The following ADCY10 variants were observed in gnomAD, a reference collection of about 807,000 sequenced individuals.
ADCY10 encodes the protein adenylate cyclase 10, also known as adenylate cyclase type 10.
Under a neutral mutation model 183.3 loss-of-function variants are expected in ADCY10, and 156 were observed. That is an observed-to-expected ratio of 0.85 (90% CI 0.75 to 0.97). The LOEUF (loss-of-function observed/expected upper bound fraction) is 0.97. ADCY10 is among the 50% of genes least tolerant of loss of function. ADCY10 has a pLI of 0.00. For missense variants in ADCY10, 1,745 were observed against 1,934.3 expected (o/e 0.90, Z 1.84); for synonymous variants, 645 against 670.0 (o/e 0.96, Z 0.58).
chr1:167,866,530 C>CAAAAAA (rs57450280), intron 14 of ADCY10, among the ~76,000 whole-genome samples: 2 of 110,782 alleles, frequency 1.8e-5, no homozygotes, highest in Non-Finnish European at 4.0e-5. Flanking sequence ...CTCTATGTGC[C>CAAAAAA]AAAAAAAAAA....
At chr1:167,813,183 A>G (rs1009865484) in intron 31 of ADCY10, among the ~76,000 whole-genome samples, 1 of 152,204 alleles carries the variant, frequency 6.6e-6, no homozygotes, top group Non-Finnish European at 1.5e-5. Flanking sequence ...GATAAACTTA[A>G]AGAGATACAC....
At position 167,836,464 on chromosome 1, in the gene ADCY10, T is replaced by C. The variant is rs753575947; in HGVS notation, c.3154A>G (p.Ile1052Val). The C allele has an allele frequency of 3.7e-6, 6 of 1,614,194 alleles. No individual in the cohort carries two copies. The highest frequency in any genetic ancestry group is 5.1e-6 in the Non-Finnish European group (6 of 1,179,996). Residue 1052 changes from isoleucine to valine, a missense_variant, in exon 23 of 33, where the codon ATT (isoleucine) becomes GTT (valine). Coordinates refer to ENST00000367851, the MANE Select transcript of ADCY10 (RefSeq NM_018417.6). Reference protein sequence around the residue: ...LTKMKTSDEDIIPLESCQCEE... With the variant: ...LTKMKTSDEDVIPLESCQCEE... ...CACTGGCAAGATTCCAGAGGGATAA[T>C]GTCTTCGTCAGATGTCTTCATTTTT...
intron 8 of ADCY10, among the ~76,000 whole-genome samples, chr1:167,887,229 A>T (rs1215360579): frequency 1.3e-5 from 2 of 152,238 alleles, no homozygotes; most frequent in Admixed American, 6.5e-5. Context: ...TCATGCTGCT[A>T]TAAAGACACA....
chr1:167,893,788 C>G, intron 8 of ADCY10, 65 bp downstream of exon 8: 4 of 950,456 alleles, frequency 4.2e-6, no homozygotes, highest in Non-Finnish European at 3.1e-6. Context: ...TTTCTTAAAT[C>G]TTAAAATTCC....
rs747845174 is a variant in ADCY10 at position 167,880,559 on chromosome 1, G to A, written c.1071C>T (p.Asp357=). The A allele has an allele frequency of 2.7e-5, 43 of 1,613,960 alleles. No individual in the cohort carries two copies. The highest frequency in any genetic ancestry group is 1.7e-4 in the Admixed American group (10 of 59,998). The change falls in exon 10 of 33, where the codon GAC becomes GAT. Residue 357 remains aspartate (D), a synonymous_variant. Coordinates refer to ENST00000367851, the MANE Select transcript of ADCY10 (RefSeq NM_018417.6). ...VFGFPGEKVP[D]ELTHALECAM... ...CACATTCCAGAGCATGAGTGAGCTC[G>A]TCAGGTACCTTTTCCCCAGGGAAGC...
At chr1:167,822,205 T>A in intron 29 of ADCY10, 64 bp from the exon 30 acceptor site, 1 of 1,079,054 alleles carries the variant, frequency 9.3e-7, no homozygotes, top group South Asian at 1.2e-5. Flanking sequence ...TCTAGCCTAG[T>A]CACTCTCAGT....
At chr1:167,897,486 G>C (rs2102387720) in intron 6 of ADCY10, among the ~76,000 whole-genome samples, 1 of 148,296 alleles carries the variant, frequency 6.7e-6, no homozygotes, top group East Asian at 2.0e-4. Flanking sequence ...GACAGAGTAA[G>C]ATTCCATCTC....
At chr1:167,866,766 A>T (rs2102108804) in intron 14 of ADCY10, among the ~76,000 whole-genome samples, 1 of 151,098 alleles carries the variant, frequency 6.6e-6, no homozygotes, top group Non-Finnish European at 1.5e-5. Flanking sequence ...AAAAAAAAAA[A>T]GAATGGTTAT....
chr1:167,814,563 T>C (rs1372806484), intron 31 of ADCY10, among the ~76,000 whole-genome samples: 3 of 152,052 alleles, frequency 2.0e-5, no homozygotes, highest in Non-Finnish European at 4.4e-5. Flanking sequence ...TCTATAATAG[T>C]AGTTGGAGAC....
chr1:167,827,404 G>A (rs1282662966), intron 26 of ADCY10, among the ~76,000 whole-genome samples: 2 of 146,476 alleles, frequency 1.4e-5, no homozygotes, highest in East Asian at 2.0e-4. Context: ...CTTACCTTGT[G>A]ATCCGCCCAC....
In ADCY10 at chr1:167,905,109, C is replaced by A. The variant is rs767465556; in HGVS notation, c.32G>T (p.Trp11Leu). 1.9e-6 allele frequency: 3 copies of A among 1,614,144 alleles called. No homozygotes were observed. In the East Asian group the frequency reaches 6.7e-5, roughly 36 times the overall value. Residue 11 changes from tryptophan (W) to leucine (L), a missense_variant, in exon 2 of 33, where the codon TGG becomes TTG. Trp to Leu is a moderately conservative substitution (Grantham distance 61). Coordinates refer to ENST00000367851, the MANE Select transcript of ADCY10 (RefSeq NM_018417.6). MNTPKEEFQD[W>L]PIVRIAAHLP... ...ATGAGCTGCTATTCTGACTATGGGCCAGTCCTGGAATTCTTCTTTTGGAGT... is the reference window on the plus strand; with the variant it reads ...ATGAGCTGCTATTCTGACTATGGGCAAGTCCTGGAATTCTTCTTTTGGAGT...
intron 8 of ADCY10, among the ~76,000 whole-genome samples, chr1:167,891,815 A>G (rs545114878): frequency 1.3e-5 from 2 of 152,306 alleles, no homozygotes; most frequent in East Asian, 3.9e-4. Context: ...TTCAACGACA[A>G]TGTGAAACAC....
chr1:167,891,228 G>A (rs1668566899), intron 8 of ADCY10, among the ~76,000 whole-genome samples: 2 of 151,932 alleles, frequency 1.3e-5, no homozygotes, highest in African/African-American at 4.8e-5. Flanking sequence ...CCAAAGTGCT[G>A]GGATTACAGG....
chr1:167,840,335 T>C (rs1175720979), intron 21 of ADCY10, among the ~76,000 whole-genome samples: 1 of 151,740 alleles, frequency 6.6e-6, no homozygotes, highest in Non-Finnish European at 1.5e-5. Flanking sequence ...ATTATGTCAT[T>C]TATTGCTTGG....
intron 8 of ADCY10, among the ~76,000 whole-genome samples, chr1:167,884,023 T>C (rs1171466938): frequency 2.6e-5 from 4 of 152,264 alleles, no homozygotes; most frequent in Admixed American, 6.5e-5. Context: ...GATATTTTGA[T>C]ACAGGCATGC....
chr1:167,901,844 T>C, intron 4 of ADCY10, 39 bp from the exon 5 acceptor site: 2 of 1,614,144 alleles, frequency 1.2e-6, no homozygotes, highest in Non-Finnish European at 1.7e-6. Context: ...TGACCTGCCC[T>C]GGGGATCAAT....
intron 6 of ADCY10, among the ~76,000 whole-genome samples, chr1:167,898,530 C>T (rs1049071493): frequency 8.0e-5 from 12 of 150,470 alleles, no homozygotes; most frequent in African/African-American, 2.7e-4. Flanking sequence ...ACCCGGGAGG[C>T]GGAGGTTGCA....
chr1:167,848,801 A>G lies in ADCY10; in HGVS notation c.2309-312T>C, dbSNP rs11577089. Among the ~76,000 whole-genome samples, 14,946 of 151,912 alleles carry G rather than the reference A, an allele frequency of 0.098. 1,143 individuals are homozygous for G. The highest frequency in any genetic ancestry group is 0.21 in the African/African-American group (8,826 of 41,366). ...GTAGCTGGGATTACAGCCGCCCACT[A>G]CCATGCCTGGCTAATTTCTGTAGAG... On this transcript the variant is annotated intron_variant, in intron 18 of 32. Coordinates refer to ENST00000367851, the MANE Select transcript of ADCY10 (RefSeq NM_018417.6).
At chr1:167,894,681 A>G (rs1180712691) in intron 7 of ADCY10, among the ~76,000 whole-genome samples, 1 of 152,124 alleles carries the variant, frequency 6.6e-6, no homozygotes, top group Non-Finnish European at 1.5e-5. Context: ...TAATAAAACC[A>G]TAACTGTAAG....
Sources: allele counts gnomAD v4.1 joint callset (sites outside exome capture counted in the v4.1 genomes callset), GRCh38; gene constraint gnomAD v4.1.1; transcripts MANE v1.5; gene names NCBI Gene and HGNC (gene_info 2026-07-23, HGNC 2026-07-21).